Variants in QTMAN observed in about 807,000 individuals in gnomAD.
QTMAN encodes the protein tRNA-queuosine alpha-mannosyltransferase.
the QTMAN span, among the ~76,000 whole-genome samples, chr2:144,159,597 G>C: frequency 0.013 from 2,048 of 152,204 alleles, 16 homozygotes; most frequent in Non-Finnish European, 0.022. Flanking sequence ...ATGAAGTAAA[G>C]AACAGTGAGA....
the QTMAN span, among the ~76,000 whole-genome samples, chr2:144,328,513 T>C: frequency 1.1e-4 from 16 of 152,222 alleles, no homozygotes; most frequent in Non-Finnish European, 2.2e-4. Flanking sequence ...CCAAAGGATA[T>C]AGTGAGACAG....
the QTMAN span, among the ~76,000 whole-genome samples, chr2:144,195,888 T>G: frequency 6.6e-6 from 1 of 152,122 alleles, no homozygotes; most frequent in East Asian, 1.9e-4. Context: ...AAAATCACTC[T>G]TTATAAACTT....
At chr2:144,001,873 A>C in the QTMAN span, among the ~76,000 whole-genome samples, 1 of 151,952 alleles carries the variant, frequency 6.6e-6, no homozygotes, top group Non-Finnish European at 1.5e-5. Flanking sequence ...TGAGAACTAC[A>C]AATTAGGCAA....
chr2:144,213,975 G>A, the QTMAN span, among the ~76,000 whole-genome samples: 4 of 151,948 alleles, frequency 2.6e-5, no homozygotes, highest in Admixed American at 1.3e-4. Flanking sequence ...ATAGGGCAGG[G>A]GTGAGAAAAG....
chr2:144,012,970 T>C, the QTMAN span, among the ~76,000 whole-genome samples: 1 of 151,874 alleles, frequency 6.6e-6, no homozygotes, highest in East Asian at 1.9e-4. Context: ...TAGCTCGGGT[T>C]TGGGGGAGGG....
chr2:144,328,677 C>A, the QTMAN span, among the ~76,000 whole-genome samples: 1 of 152,116 alleles, frequency 6.6e-6, no homozygotes, highest in African/African-American at 2.4e-5. Flanking sequence ...ACATCAGAAC[C>A]AGCAATTACA....
At chr2:144,070,657 G>C in the QTMAN span, among the ~76,000 whole-genome samples, 2 of 152,172 alleles carry the variant, frequency 1.3e-5, no homozygotes, top group Non-Finnish European at 2.9e-5. Flanking sequence ...CTCAGGGAGA[G>C]CAAATGGAGT....
chr2:143,973,180 G>A, the QTMAN span, among the ~76,000 whole-genome samples: 1 of 151,848 alleles, frequency 6.6e-6, no homozygotes, highest in Non-Finnish European at 1.5e-5. Flanking sequence ...GTTTCACAAA[G>A]TCCTGCACCC....
the QTMAN span, among the ~76,000 whole-genome samples, chr2:144,130,354 GA>G: frequency 1.8e-4 from 28 of 151,998 alleles, 1 homozygote; most frequent in East Asian, 3.9e-3. Flanking sequence ...ATGTTTCTAA[GA>G]AGAATTTTGG....
the QTMAN span, among the ~76,000 whole-genome samples, chr2:144,058,708 C>G: frequency 6.6e-5 from 10 of 152,288 alleles, no homozygotes; most frequent in South Asian, 2.1e-3. Context: ...ACTCCTAGTT[C>G]CAATTCTTGA....
the QTMAN span, among the ~76,000 whole-genome samples, chr2:144,197,188 A>G: frequency 1.3e-5 from 2 of 152,124 alleles, no homozygotes; most frequent in African/African-American, 4.8e-5. Flanking sequence ...CTAAGCACAG[A>G]AAAGGTAAAT....
the QTMAN span, among the ~76,000 whole-genome samples, chr2:144,277,212 T>G: frequency 6.7e-6 from 1 of 149,500 alleles, no homozygotes; most frequent in African/African-American, 2.6e-5. Flanking sequence ...ATTTTTACTT[T>G]TTTTAATGTG....
the QTMAN span, among the ~76,000 whole-genome samples, chr2:144,300,056 C>A: frequency 1.7e-4 from 26 of 152,110 alleles, no homozygotes; most frequent in Non-Finnish European, 3.2e-4. Context: ...ATATGAGGTA[C>A]CTAGAGTAGT....
At chr2:144,272,736 T>TG in the QTMAN span, among the ~76,000 whole-genome samples, 1 of 152,146 alleles carries the variant, frequency 6.6e-6, no homozygotes, top group Non-Finnish European at 1.5e-5. Flanking sequence ...TGTGTGTGTG[T>TG]GCATGCATGC....
the QTMAN span, among the ~76,000 whole-genome samples, chr2:144,332,778 T>G: frequency 1.3e-5 from 2 of 152,132 alleles, no homozygotes; most frequent in African/African-American, 4.8e-5. Flanking sequence ...CCCACCTCCC[T>G]GTGCGCCCTT....
the QTMAN span, among the ~76,000 whole-genome samples, chr2:144,324,173 T>C: frequency 6.6e-6 from 1 of 152,172 alleles, no homozygotes; most frequent in African/African-American, 2.4e-5. Context: ...CAGAATACAA[T>C]ACATACTCTG....
chr2:144,052,098 CAG>C, the QTMAN span, among the ~76,000 whole-genome samples: 204 of 152,272 alleles, frequency 1.3e-3, no homozygotes, highest in African/African-American at 4.8e-3. Context: ...AGAAACCGAA[CAG>C]TGCCAGCACA....
the QTMAN span, among the ~76,000 whole-genome samples, chr2:144,279,120 A>G: frequency 6.6e-6 from 1 of 152,154 alleles, no homozygotes; most frequent in Non-Finnish European, 1.5e-5. Context: ...CACCTTATAT[A>G]TATTTCCTCT....
At chr2:144,014,540 C>T in the QTMAN span, among the ~76,000 whole-genome samples, 2 of 152,020 alleles carry the variant, frequency 1.3e-5, no homozygotes, top group Non-Finnish European at 2.9e-5. Flanking sequence ...AACAAGCAAA[C>T]CCTACTTATT....
Sources: gnomAD v4.1 joint callset for allele counts (sites outside exome capture counted in the v4.1 genomes callset) on GRCh38, gnomAD v4.1.1 for gene constraint, MANE v1.5 for transcripts, NCBI Gene and HGNC (gene_info 2026-07-23, HGNC 2026-07-21) for gene names.